Variants in DMD observed in about 807,000 individuals in gnomAD.
DMD encodes dystrophin.
DMD carries 63 observed loss-of-function variants against 330.1 expected under a neutral mutation model. That is an observed-to-expected ratio of 0.19 (90% confidence interval 0.16 to 0.24). The LOEUF is 0.24. DMD is among the 10% of genes least tolerant of loss of function. The probability of loss-of-function intolerance (pLI) is 1.00; values close to 1 mark genes in which losing one functional copy is unlikely to be tolerated. For synonymous variants in DMD, 1,223 were observed against 959.8 expected (o/e 1.27, Z -5.07); for missense variants, 3,344 against 2,684.1 (o/e 1.25, Z -5.43).
chrX:31,220,101 G>C (rs2045848148), intron 64 of DMD, among the ~76,000 whole-genome samples: 1 of 111,281 alleles, frequency 9.0e-6, no homozygotes, highest in African/African-American at 3.3e-5. Flanking sequence ...GTGTGTACTA[G>C]GCTATACCAT....
intron 57 of DMD, among the ~76,000 whole-genome samples, chrX:31,494,531 A>T (rs146915504): frequency 2.1e-4 from 24 of 111,791 alleles, no homozygotes; most frequent in African/African-American, 6.8e-4. Flanking sequence ...GAGCAAGCAC[A>T]CTAACCAAGT....
chrX:31,379,158 A>C (rs775901259), intron 60 of DMD, among the ~76,000 whole-genome samples: 1 of 109,564 alleles, frequency 9.1e-6, no homozygotes, highest in East Asian at 2.9e-4. Context: ...CCTTTTCTAC[A>C]GACCCATCTG....
At chrX:32,333,019 G>C (rs994944106) in intron 41 of DMD, among the ~76,000 whole-genome samples, 2 of 111,297 alleles carry the variant, frequency 1.8e-5, no homozygotes, top group African/African-American at 6.5e-5. Flanking sequence ...TAGAGAAGTA[G>C]GTACTACCTA....
chrX:32,511,526 A>G (rs5928000), intron 18 of DMD, among the ~76,000 whole-genome samples: 1,022 of 47,047 alleles, frequency 0.022, 14 homozygotes, highest in African/African-American at 0.11. Context: ...CGTCTCGGGA[A>G]AAAAAAAAAA....
chrX:31,728,954 C>T (rs921831410), intron 52 of DMD, among the ~76,000 whole-genome samples: 9 of 110,879 alleles, frequency 8.1e-5, no homozygotes, highest in Admixed American at 6.7e-4. Flanking sequence ...AACCGGGTGG[C>T]GAGTTTCCCC....
chrX:33,268,665 G>A (rs62594389), intron 1 of DMD, among the ~76,000 whole-genome samples: 23 of 111,794 alleles, frequency 2.1e-4, no homozygotes, highest in Non-Finnish European at 3.8e-4. Flanking sequence ...AGTGGCTTGC[G>A]CCTGTAATCC....
chrX:32,931,281 T>A (rs940594811), intron 2 of DMD, among the ~76,000 whole-genome samples: 3 of 110,743 alleles, frequency 2.7e-5, no homozygotes, highest in Non-Finnish European at 3.8e-5. Context: ...TAACCCTAAA[T>A]TTACGATAGT....
chrX:33,180,781 G>A (rs2049954182), intron 1 of DMD, among the ~76,000 whole-genome samples: 1 of 109,317 alleles, frequency 9.1e-6, no homozygotes, highest in African/African-American at 3.3e-5. Flanking sequence ...TTGGAATTGA[G>A]GTACAATGAT....
intron 74 of DMD, among the ~76,000 whole-genome samples, chrX:31,168,844 C>T (rs1021678283): frequency 8.9e-6 from 1 of 111,959 alleles, no homozygotes; most frequent in Non-Finnish European, 1.9e-5. Context: ...TTTGTCCTCC[C>T]TGCAGTCATT....
chrX:32,806,098 G>A (rs927823747), intron 7 of DMD, among the ~76,000 whole-genome samples: 2 of 112,029 alleles, frequency 1.8e-5, no homozygotes, highest in Non-Finnish European at 3.8e-5. Flanking sequence ...AACCTTAAAT[G>A]TAAATGGGCT....
At chrX:32,406,361 C>A (rs2098117017) in intron 30 of DMD, among the ~76,000 whole-genome samples, 1 of 110,988 alleles carries the variant, frequency 9.0e-6, no homozygotes, top group South Asian at 3.8e-4. Context: ...CCAGTTTTTG[C>A]CCATTCAGTA....
At chrX:32,653,006 G>T (rs781679450) in intron 9 of DMD, among the ~76,000 whole-genome samples, 3 of 111,079 alleles carry the variant, frequency 2.7e-5, no homozygotes, top group Admixed American at 9.6e-5. Context: ...TTTTGATAGG[G>T]TTGTTTTTTT....
intron 7 of DMD, among the ~76,000 whole-genome samples, chrX:32,757,615 A>T (rs1431645864): frequency 9.0e-6 from 1 of 110,758 alleles, no homozygotes; most frequent in Non-Finnish European, 1.9e-5. Flanking sequence ...TATACAAGAA[A>T]GTTTCCCGGA....
intron 55 of DMD, among the ~76,000 whole-genome samples, chrX:31,579,295 T>C (rs150455485): frequency 0.016 from 1,778 of 112,215 alleles, 24 homozygotes; most frequent in Non-Finnish European, 0.026. Context: ...TCCAACAACA[T>C]TAAGACATGT....
intron 44 of DMD, among the ~76,000 whole-genome samples, chrX:32,205,045 A>ACC (rs2097061168): frequency 2.2e-5 from 2 of 92,807 alleles, no homozygotes; most frequent in African/African-American, 9.3e-5. Flanking sequence ...ACACACACCC[A>ACC]CACACACACA....
At chrX:32,871,039 T>C (rs1045531132) in intron 2 of DMD, among the ~76,000 whole-genome samples, 6 of 102,119 alleles carry the variant, frequency 5.9e-5, no homozygotes, top group Admixed American at 1.1e-4. Context: ...ATTTTTGCAA[T>C]CTATTTACCA....
At chrX:31,735,827 CAGA>C (rs1330321530) in intron 51 of DMD, among the ~76,000 whole-genome samples, 1 of 111,758 alleles carries the variant, frequency 8.9e-6, no homozygotes, top group Non-Finnish European at 1.9e-5. Context: ...TGACGGAAGA[CAGA>C]AAGTTAAGAT....
rs749626501 is a variant in DMD at position 32,397,303 on chromosome X, T to C, written c.4234-7122A>G. ...TAAGCCAACCACATACAACTATTCT[T>C]GTGAAATTATCAGCCTGGCTTCGTA... On this transcript the variant is annotated intron_variant, in intron 30 of 78. Transcript: ENST00000357033. Among the ~76,000 whole-genome samples, 24 of 111,543 alleles carry C rather than the reference T, an allele frequency of 2.2e-4. 2 individuals are homozygous for C. Among genetic ancestry groups the C allele is most frequent in the Admixed American group, 6.7e-4 (7 of 10,474 alleles).
At chrX:32,063,311 C>G (rs1262128145) in intron 44 of DMD, among the ~76,000 whole-genome samples, 1 of 110,437 alleles carries the variant, frequency 9.1e-6, no homozygotes, top group Non-Finnish European at 1.9e-5. Context: ...TTGGAGTGAT[C>G]AATTGCCTAT....
Sources: allele counts gnomAD v4.1 joint callset (sites outside exome capture counted in the v4.1 genomes callset), GRCh38; gene constraint gnomAD v4.1.1; transcripts MANE v1.5; gene names NCBI Gene and HGNC (gene_info 2026-07-23, HGNC 2026-07-21).